SLC35F1: variants seen among roughly 807,000 people sequenced by gnomAD.
SLC35F1 encodes chromosome 6 open reading frame 169.
In SLC35F1, 14 loss-of-function variants were observed where a neutral mutation model predicts 48.7. The ratio of observed to expected loss-of-function variants is 0.29; its 90% confidence interval spans 0.19 to 0.45. The LOEUF is 0.45. SLC35F1 is among the 20% of genes least tolerant of loss of function. SLC35F1 has a pLI of 1.00. For synonymous variants in SLC35F1, 190 were observed against 202.2 expected, an observed-to-expected ratio of 0.94 and a Z score of 0.51; for missense variants, 404 against 500.0, an observed-to-expected ratio of 0.81 and a Z score of 1.83.
At chr6:118,232,334 A>G (rs899862764) in intron 2 of SLC35F1, among the ~76,000 whole-genome samples, 2 of 151,962 alleles carry the variant, frequency 1.3e-5, no homozygotes, top group Non-Finnish European at 2.9e-5. Context: ...GGCGGATCAC[A>G]AGGTCAGGAG....
At chr6:118,242,962 G>A (rs1775460560) in intron 3 of SLC35F1, among the ~76,000 whole-genome samples, 1 of 152,174 alleles carries the variant, frequency 6.6e-6, no homozygotes, top group African/African-American at 2.4e-5. Context: ...TCCATCAGGA[G>A]TGAAGGACAA....
At chr6:118,133,387 G>GA (rs900043152) in intron 1 of SLC35F1, among the ~76,000 whole-genome samples, 4 of 151,698 alleles carry the variant, frequency 2.6e-5, no homozygotes, top group African/African-American at 7.3e-5. Context: ...TTAGGTTCTG[G>GA]AAAAAAAAGT....
At chr6:118,017,858 T>C (rs556275454) in intron 1 of SLC35F1, among the ~76,000 whole-genome samples, 6 of 152,202 alleles carry the variant, frequency 3.9e-5, no homozygotes, top group Middle Eastern at 3.2e-3. Flanking sequence ...CAATGGACCT[T>C]ATCGTTACTT....
At chr6:117,919,828 G>A (rs1464818288) in intron 1 of SLC35F1, among the ~76,000 whole-genome samples, 1 of 152,206 alleles carries the variant, frequency 6.6e-6, no homozygotes, top group East Asian at 1.9e-4. Flanking sequence ...ATGTTCTGCT[G>A]TCTAATTGTG....
chr6:118,022,045 G>A (rs1386989567), intron 1 of SLC35F1, among the ~76,000 whole-genome samples: 2 of 152,110 alleles, frequency 1.3e-5, no homozygotes, highest in Non-Finnish European at 2.9e-5. Flanking sequence ...ACATTCCAGG[G>A]GGAAAAGAAA....
chr6:118,093,389 C>A (rs538951912), intron 1 of SLC35F1, among the ~76,000 whole-genome samples: 1 of 152,106 alleles, frequency 6.6e-6, no homozygotes, highest in Non-Finnish European at 1.5e-5. Context: ...TGGCTGTGTC[C>A]CCATCCAAAT....
intron 1 of SLC35F1, among the ~76,000 whole-genome samples, chr6:118,091,259 A>G (rs1298685238): frequency 6.6e-6 from 1 of 152,208 alleles, no homozygotes; most frequent in Non-Finnish European, 1.5e-5. Context: ...ACCAAATGAT[A>G]TGATTTGGCT....
intron 2 of SLC35F1, among the ~76,000 whole-genome samples, chr6:118,170,257 A>G (rs1774382667): frequency 6.6e-6 from 1 of 152,206 alleles, no homozygotes; most frequent in Non-Finnish European, 1.5e-5. Flanking sequence ...TCTCCTTAAT[A>G]AAAATCTTTG....
Position 118,175,121 on chromosome 6 carries a change from AT to A in SLC35F1, c.349+20506del, listed in dbSNP as rs1261657028. Among the ~76,000 whole-genome samples the A allele has an allele frequency of 5.3e-5, 8 of 152,138 alleles. 1 individual carries two copies. The highest frequency in any genetic ancestry group is 1.0e-4 in the Non-Finnish European group (7 of 68,002). On this transcript the variant is annotated intron_variant, in intron 2 of 7. Transcript: ENST00000360388. ...GGCAATGCTAACCTTTAAATGTTTA[AT>A]TTTTACAATTTGTTTTTATTATAAA...
At chr6:118,240,760 T>G (rs1039054216) in intron 3 of SLC35F1, among the ~76,000 whole-genome samples, 1 of 152,016 alleles carries the variant, frequency 6.6e-6, no homozygotes, top group African/African-American at 2.4e-5. Flanking sequence ...GGGAAAGAGA[T>G]TCAGGCTAAG....
At chr6:118,091,194 G>T (rs78012113) in intron 1 of SLC35F1, among the ~76,000 whole-genome samples, 2,760 of 152,286 alleles carry the variant, frequency 0.018, 91 homozygotes, top group African/African-American at 0.063. Context: ...TGAGATTCCT[G>T]TTAGATATCT....
At chr6:118,212,805 C>A (rs1488155242) in intron 2 of SLC35F1, among the ~76,000 whole-genome samples, 1 of 145,330 alleles carries the variant, frequency 6.9e-6, no homozygotes, top group African/African-American at 2.6e-5. Flanking sequence ...GAAGGAAGGG[C>A]ACTTATCCAA....
chr6:118,218,572 T>C (rs934011235), intron 2 of SLC35F1, among the ~76,000 whole-genome samples: 5 of 152,208 alleles, frequency 3.3e-5, no homozygotes, highest in Admixed American at 6.5e-5. Context: ...TACGCCTGTT[T>C]CTTACCTCCT....
At position 117,907,305 on chromosome 6, in the gene SLC35F1, C is replaced by A. The variant is rs1562233758; in HGVS notation, c.-422C>A. On this transcript the variant is annotated 5_prime_UTR_variant, in exon 1 of 8. Transcript: ENST00000360388. The stretch of plus-strand genomic sequence containing the variant: ...CGACCGAGCGGGGCACAGGCTGAGG[C>A]GGCGCCAGCACAACTGCCGCCGCGC... Among the ~76,000 whole-genome samples, 1 of 150,762 alleles carries A rather than the reference C, an allele frequency of 6.6e-6. No individual in the cohort carries two copies. Among genetic ancestry groups the A allele is most frequent in the Non-Finnish European group, 1.5e-5 (1 of 67,662 alleles).
chr6:118,219,071 G>A (rs1464072303), intron 2 of SLC35F1, among the ~76,000 whole-genome samples: 1 of 152,108 alleles, frequency 6.6e-6, no homozygotes, highest in Non-Finnish European at 1.5e-5. Context: ...CGGACCTTTA[G>A]GTTTTGTCAT....
intron 1 of SLC35F1, among the ~76,000 whole-genome samples, chr6:118,028,189 A>C (rs1419875178): frequency 2.0e-5 from 3 of 152,058 alleles, no homozygotes; most frequent in Non-Finnish European, 4.4e-5. Context: ...CATCTAGGGG[A>C]GAGTTAACTG....
At position 118,230,366 on chromosome 6, in the gene SLC35F1, A is replaced by G. The variant is rs556776325; in HGVS notation, c.350-5143A>G. Among the ~76,000 whole-genome samples the G allele has an allele frequency of 3.3e-5, 5 of 152,240 alleles. No individual in the cohort carries two copies. The East Asian group carries it at 9.7e-4, about 29-fold the overall frequency. ...AAAAAAAAAAAGAAGAAAAACAAGA[A>G]ATATATGTCTTTTACTGCATTGTTT... On this transcript the variant is annotated intron_variant, in intron 2 of 7. Transcript: ENST00000360388.
chr6:118,085,711 G>A (rs71570882), intron 1 of SLC35F1, among the ~76,000 whole-genome samples: 1 of 18,102 alleles, frequency 5.5e-5, no homozygotes, highest in African/African-American at 6.5e-5. Context: ...GCTTGCCCTA[G>A]ATAAATTAAT....
At chr6:118,159,211 ACT>A (rs1385932290) in intron 2 of SLC35F1, among the ~76,000 whole-genome samples, 1 of 103,644 alleles carries the variant, frequency 9.6e-6, no homozygotes, top group Admixed American at 1.6e-4. Context: ...ATAGAGCGAG[ACT>A]CTGTCTCAAA....
Sources: allele counts gnomAD v4.1 joint callset (sites outside exome capture counted in the v4.1 genomes callset), GRCh38; gene constraint gnomAD v4.1.1; transcripts MANE v1.5; gene names NCBI Gene and HGNC (gene_info 2026-07-23, HGNC 2026-07-21).